The following CEP162 variants were observed in gnomAD, a reference collection of about 807,000 sequenced individuals.
CEP162 encodes centrosomal protein of 162 kDa.
CEP162 carries 141 observed loss-of-function variants against 169.2 expected under a neutral mutation model. That is an observed-to-expected ratio of 0.83 (90% CI 0.73 to 0.96). CEP162 has a LOEUF of 0.96. Ranked by LOEUF, CEP162 falls within the 40% of genes least tolerant of loss-of-function variation. The pLI is 0.00. For missense variants in CEP162, 1,600 were observed against 1,587.2 expected, an observed-to-expected ratio of 1.01 and a Z score of -0.14; for synonymous variants, 540 against 526.4, an observed-to-expected ratio of 1.03 and a Z score of -0.35.
At chr6:84,147,944 C>G (rs1162368573) in intron 24 of CEP162, among the ~76,000 whole-genome samples, 1 of 152,068 alleles carries the variant, frequency 6.6e-6, no homozygotes, top group African/African-American at 2.4e-5. Context: ...TCAGACTATG[C>G]TGATTTCTCT....
intron 21 of CEP162, among the ~76,000 whole-genome samples, chr6:84,156,104 A>G (rs1162875174): frequency 6.6e-6 from 1 of 152,174 alleles, no homozygotes; most frequent in East Asian, 1.9e-4. Context: ...TCTTGGACAA[A>G]GTCACCAAAA....
At chr6:84,202,846 T>C (rs2099545181) in intron 7 of CEP162, among the ~76,000 whole-genome samples, 1 of 152,186 alleles carries the variant, frequency 6.6e-6, no homozygotes, top group African/African-American at 2.4e-5. Flanking sequence ...AATTTCTATG[T>C]TATTTCTAAG....
intron 11 of CEP162, among the ~76,000 whole-genome samples, chr6:84,190,728 A>G (rs1588840811): frequency 1.3e-5 from 2 of 152,250 alleles, no homozygotes; most frequent in Middle Eastern, 6.8e-3. Flanking sequence ...CAGACGCGCC[A>G]CCTTAAGAGC....
intron 9 of CEP162, among the ~76,000 whole-genome samples, chr6:84,198,454 T>C (rs1368542810): frequency 6.6e-6 from 1 of 151,994 alleles, no homozygotes; most frequent in Non-Finnish European, 1.5e-5. Flanking sequence ...ATTTTCTGTA[T>C]TTTTTAGTAG....
At position 84,174,787 on chromosome 6, in the gene CEP162, C is replaced by G; in HGVS notation, c.1965G>C (p.Lys655Asn). The G allele has an allele frequency of 1.3e-6, 2 of 1,575,234 alleles. No homozygotes were observed. The highest frequency in any genetic ancestry group is 1.7e-6 in the Non-Finnish European group (2 of 1,155,422). Residue 655 changes from lysine (K) to asparagine (N), a missense_variant, in exon 15 of 27, where the codon AAG becomes AAC. Physicochemically the swap from Lys to Asn is moderately conservative, Grantham distance 94. Transcript: ENST00000403245. ...TGAAGAGTTCTTTTTCCTGTTGTTT[C>G]TTTAGTTCTTCCAACTTATTTTCTA... ...KELENKLEELKKQQEKELFKL... is the reference protein window; with the variant it reads ...KELENKLEELNKQQEKELFKL...
At chr6:84,152,502 CTTT>C (rs757412911) in intron 23 of CEP162, 40 bp downstream of exon 23, 6 of 1,121,112 alleles carry the variant, frequency 5.4e-6, no homozygotes, top group Non-Finnish European at 7.2e-6. Flanking sequence ...CTATTTTTAT[CTTT>C]TTATTTTTAC....
chr6:84,202,894 G>C (rs1448359144), intron 7 of CEP162, among the ~76,000 whole-genome samples: 2 of 151,840 alleles, frequency 1.3e-5, no homozygotes, highest in Non-Finnish European at 1.5e-5. Context: ...GTGACATGTA[G>C]ACACCCCAGG....
intron 8 of CEP162, among the ~76,000 whole-genome samples, 166 bp downstream of exon 8, chr6:84,201,571 G>A (rs1431232724): frequency 6.6e-6 from 1 of 152,024 alleles, no homozygotes; most frequent in Non-Finnish European, 1.5e-5. Context: ...AAATATAACA[G>A]AATGGATTCA....
chr6:84,193,736 T>C (rs2099540870), intron 10 of CEP162, 46 bp from the exon 11 acceptor site: 1 of 1,232,934 alleles, frequency 8.1e-7, no homozygotes, highest in Admixed American at 2.4e-5. Flanking sequence ...TTATGTAGGT[T>C]GCTTAATTTA....
chr6:84,208,634 A>G (rs1191791563), intron 6 of CEP162, among the ~76,000 whole-genome samples: 1 of 152,240 alleles, frequency 6.6e-6, no homozygotes, highest in African/African-American at 2.4e-5. Flanking sequence ...ATTTTAGTTC[A>G]TAAGAAATAT....
At chr6:84,175,012 G>C in intron 14 of CEP162, 58 bp from the exon 15 acceptor site, 3 of 1,153,124 alleles carry the variant, frequency 2.6e-6, no homozygotes, top group South Asian at 1.5e-5. Context: ...TTTGAACACA[G>C]GTGGTTAATT....
At chr6:84,185,526 C>A (rs1474339865) in intron 12 of CEP162, 78 bp from the exon 13 acceptor site, 1 of 1,240,276 alleles carries the variant, frequency 8.1e-7, no homozygotes, top group East Asian at 2.4e-5. Context: ...TAATAGATGG[C>A]AAAACAATAG....
At chr6:84,224,833 G>C (rs912358663) in intron 2 of CEP162, among the ~76,000 whole-genome samples, 1 of 152,072 alleles carries the variant, frequency 6.6e-6, no homozygotes, top group Non-Finnish European at 1.5e-5. Context: ...CTTCTAAAAG[G>C]CCTGTTCTGC....
intron 11 of CEP162, among the ~76,000 whole-genome samples, chr6:84,190,649 C>T (rs1344055843): frequency 6.6e-6 from 1 of 151,928 alleles, no homozygotes; most frequent in Non-Finnish European, 1.5e-5. Context: ...ACTCCTGAGC[C>T]AGCGAGACCA....
intron 6 of CEP162, among the ~76,000 whole-genome samples, chr6:84,210,705 A>C (rs752006444): frequency 1.3e-5 from 2 of 152,220 alleles, no homozygotes; most frequent in Non-Finnish European, 2.9e-5. Context: ...TTAATGCATA[A>C]AATGAGCCAA....
chr6:84,203,516 C>T lies in CEP162; in HGVS notation c.687+465G>A, dbSNP rs188609619. On this transcript the variant is annotated intron_variant, in intron 7 of 26. Coordinates refer to ENST00000403245, the MANE Select transcript of CEP162 (RefSeq NM_014895.4). ...CTGGAGTGCAGTGACATGATCACAGCTCACCGCAGCCTTGACCTCCCTGGC... is the reference window on the plus strand; with the variant it reads ...CTGGAGTGCAGTGACATGATCACAGTTCACCGCAGCCTTGACCTCCCTGGC... Among the ~76,000 whole-genome samples, 35 of 152,268 alleles carry T rather than the reference C, an allele frequency of 2.3e-4. No homozygotes were observed. In the East Asian group the frequency reaches 6.4e-3, roughly 28 times the overall value.
chr6:84,137,475 TGG>T (rs1244645197), intron 25 of CEP162, among the ~76,000 whole-genome samples: 2 of 152,294 alleles, frequency 1.3e-5, no homozygotes, highest in Admixed American at 6.5e-5. Flanking sequence ...CAATAGTCCC[TGG>T]GGTCTTATTA....
intron 17 of CEP162, among the ~76,000 whole-genome samples, chr6:84,169,676 T>C (rs1183711834): frequency 6.6e-6 from 1 of 152,142 alleles, no homozygotes; most frequent in Non-Finnish European, 1.5e-5. Context: ...GGTTTATTTA[T>C]AATATAAAAA....
At chr6:84,226,041 G>A (rs1379413380) in intron 2 of CEP162, among the ~76,000 whole-genome samples, 1 of 148,290 alleles carries the variant, frequency 6.7e-6, no homozygotes, top group Non-Finnish European at 1.5e-5. Context: ...AGGAGGAGTT[G>A]TTTGTTTTTT....
Sources: gnomAD v4.1 joint callset for allele counts (sites outside exome capture counted in the v4.1 genomes callset) on GRCh38, gnomAD v4.1.1 for gene constraint, MANE v1.5 for transcripts, NCBI Gene and HGNC (gene_info 2026-07-23, HGNC 2026-07-21) for gene names.